RPTOR: variants seen among roughly 807,000 people sequenced by gnomAD.
RPTOR encodes the protein regulatory associated protein of MTOR complex 1.
A neutral mutation model predicts 169.9 loss-of-function variants in RPTOR; 21 were observed. The ratio of observed to expected loss-of-function variants is 0.12; its 90% CI spans 0.09 to 0.18. The LOEUF (loss-of-function observed/expected upper bound fraction) is 0.18, where lower values mean the gene tolerates loss of function less well. RPTOR is among the 10% of genes least tolerant of loss of function. The probability of loss-of-function intolerance (pLI) is 1.00; values close to 1 mark genes in which losing one functional copy is unlikely to be tolerated. For missense variants in RPTOR, 1,133 were observed against 1,855.9 expected (o/e 0.61, Z 7.16); for synonymous variants, 732 against 753.2 (o/e 0.97, Z 0.46).
chr17:80,771,907 C>A (rs976613812), intron 6 of RPTOR, among the ~76,000 whole-genome samples: 2 of 152,194 alleles, frequency 1.3e-5, no homozygotes, highest in Non-Finnish European at 2.9e-5. Context: ...GCAGCCTCGA[C>A]CTCCTAGGCT....
chr17:80,667,374 G>C (rs2065788825), intron 3 of RPTOR, among the ~76,000 whole-genome samples: 1 of 152,152 alleles, frequency 6.6e-6, no homozygotes, highest in Non-Finnish European at 1.5e-5. Flanking sequence ...GGAGCAGGCT[G>C]GACTCTGCAT....
rs2065764700 is a variant in RPTOR, at chr17:80,665,449, TTTCC to T, written c.348+21642_348+21645del. Among the ~76,000 whole-genome samples the T allele has an allele frequency of 2.1e-4, 5 of 23,650 alleles. 1 individual carries two copies. Among genetic ancestry groups the T allele is most frequent in the African/African-American group, 1.4e-3 (3 of 2,096 alleles). 15.5% of individuals were successfully genotyped at this position (23,650 alleles called of 152,430 possible). ...TTTCCTTTCCTTTCCTTTCCTTTCC[TTTCC>T]TTTCCTTTCCTTTCCTTTCCTTTCC... On this transcript the variant is annotated intron_variant, in intron 3 of 33. Coordinates refer to ENST00000306801, the MANE Select transcript of RPTOR (RefSeq NM_020761.3).
At chr17:80,665,830 A>G (rs1427872287) in intron 3 of RPTOR, among the ~76,000 whole-genome samples, 1 of 152,138 alleles carries the variant, frequency 6.6e-6, no homozygotes, top group South Asian at 2.1e-4. Flanking sequence ...GGCGTGAGCC[A>G]CCGCGCCCGG....
intron 1 of RPTOR, 52 bp downstream of exon 1, chr17:80,545,843 A>T (rs756878512): frequency 2.1e-6 from 3 of 1,459,056 alleles, no homozygotes; most frequent in African/African-American, 1.4e-5. Context: ...CCCAACAAAG[A>T]AAGTTTACAG....
chr17:80,767,475 T>C (rs192774010), intron 6 of RPTOR, among the ~76,000 whole-genome samples: 61 of 152,304 alleles, frequency 4.0e-4, no homozygotes, highest in African/African-American at 1.3e-3. Context: ...ATGGATAAAT[T>C]CTGTGAAAGA....
Position 80,823,804 on chromosome 17 carries a change from A to G in RPTOR, c.1136+581A>G, listed in dbSNP as rs2067409777. ...ATAATGTGATTTGTTTTTAGTCTAG[A>G]CATTATATTTGAAGACGTTTGGTTT... On this transcript the variant is annotated intron_variant, in intron 9 of 33. Coordinates refer to ENST00000306801, the MANE Select transcript of RPTOR (RefSeq NM_020761.3). The surrounding 1 kb of genome is among the most constrained non-coding windows in gnomAD (Gnocchi z 4.5). Among the ~76,000 whole-genome samples, 1 of 152,158 alleles carries G rather than the reference A, an allele frequency of 6.6e-6. No homozygotes were observed.
rs11658179 is a variant in RPTOR, at chr17:80,754,894, C to T, written c.830+709C>T. Among the ~76,000 whole-genome samples the T allele has an allele frequency of 0.38, 57,635 of 152,074 alleles. 11,542 individuals carry two copies. The highest frequency in any genetic ancestry group is 0.56 in the East Asian group (2,888 of 5,174). On this transcript the variant is annotated intron_variant, in intron 6 of 33. Transcript: ENST00000306801. The surrounding 1 kb of genome is among the most constrained non-coding windows in gnomAD (Gnocchi z 4.2). The stretch of plus-strand genomic sequence containing the variant: ...AATACCTCTCCCTTGAGGTGCCGTG[C>T]GAATGGTGCAGCTGTGCAGCAGACA...
intron 1 of RPTOR, among the ~76,000 whole-genome samples, chr17:80,599,918 C>T (rs2065172984): frequency 1.3e-5 from 2 of 152,150 alleles, no homozygotes; most frequent in Admixed American, 6.5e-5. Context: ...TTCAAAGTGC[C>T]ACCTGGCTTC....
At chr17:80,554,329 A>G (rs1367787252) in intron 1 of RPTOR, among the ~76,000 whole-genome samples, 1 of 152,162 alleles carries the variant, frequency 6.6e-6, no homozygotes, top group Non-Finnish European at 1.5e-5. Flanking sequence ...TCAAATAATA[A>G]TATTCTCAAT....
intron 6 of RPTOR, among the ~76,000 whole-genome samples, chr17:80,761,100 C>T (rs557633367): frequency 3.9e-5 from 6 of 152,284 alleles, no homozygotes; most frequent in Admixed American, 2.6e-4. Context: ...TCACCATATA[C>T]ATCAATACAC....
chr17:80,605,231 G>A (rs966496021), intron 1 of RPTOR, among the ~76,000 whole-genome samples: 1 of 152,220 alleles, frequency 6.6e-6, no homozygotes, highest in African/African-American at 2.4e-5. Context: ...AGGAAGAAAG[G>A]CTGTTTCGTT....
At chr17:80,723,428 GTTGT>G (rs2066303799) in intron 4 of RPTOR, among the ~76,000 whole-genome samples, 1 of 150,936 alleles carries the variant, frequency 6.6e-6, no homozygotes, top group Non-Finnish European at 1.5e-5. Flanking sequence ...TATTTACTTG[GTTGT>G]TTGTTTATAT....
intron 5 of RPTOR, among the ~76,000 whole-genome samples, chr17:80,736,461 T>C (rs1035616974): frequency 6.6e-6 from 1 of 152,280 alleles, no homozygotes. Flanking sequence ...TGTGAAAACC[T>C]ATACTTAAAC....
intron 13 of RPTOR, among the ~76,000 whole-genome samples, chr17:80,868,208 A>G (rs2068014493): frequency 6.6e-6 from 1 of 152,260 alleles, no homozygotes; most frequent in African/African-American, 2.4e-5. Flanking sequence ...TGGCAAGAGT[A>G]TAGAAAGAAC....
intron 12 of RPTOR, among the ~76,000 whole-genome samples, chr17:80,857,224 G>C (rs1372160196): frequency 6.6e-6 from 1 of 152,204 alleles, no homozygotes; most frequent in African/African-American, 2.4e-5. Context: ...GGCCAGAACT[G>C]GGCGCCAGTG....
chr17:80,934,607 G>C (rs969825928), intron 24 of RPTOR, among the ~76,000 whole-genome samples: 2 of 152,168 alleles, frequency 1.3e-5, no homozygotes, highest in Non-Finnish European at 2.9e-5. Context: ...AGCCACCTCA[G>C]CCTCTCAAAG....
chr17:80,893,291 T>C (rs755462907), intron 19 of RPTOR, among the ~76,000 whole-genome samples: 4 of 146,578 alleles, frequency 2.7e-5, no homozygotes, highest in East Asian at 2.0e-4. Context: ...AGGGTGTGTG[T>C]GCGCCGGGTG....
In RPTOR at chr17:80,722,031, G is replaced by A. The variant is rs767006819; in HGVS notation, c.508-8529G>A. On this transcript the variant is annotated intron_variant, in intron 4 of 33. Transcript: ENST00000306801. Reference sequence around the variant, plus strand: ...ATATGTAAGATGAGGCTTTTAACACGATTTTCTTTTAGTTAATTTTAAAAT... The same window carrying A: ...ATATGTAAGATGAGGCTTTTAACACAATTTTCTTTTAGTTAATTTTAAAAT... Among the ~76,000 whole-genome samples, 37 of 151,012 alleles carry A rather than the reference G, an allele frequency of 2.5e-4. 1 individual carries two copies. The highest frequency in any genetic ancestry group is 4.4e-4 in the Non-Finnish European group (30 of 67,982).
chr17:80,954,518 G>T (rs1487814526), intron 28 of RPTOR, among the ~76,000 whole-genome samples: 1 of 152,238 alleles, frequency 6.6e-6, no homozygotes. Context: ...CTCTGTCTCG[G>T]CCTCCCAAAG....
Sources: allele counts gnomAD v4.1 joint callset (sites outside exome capture counted in the v4.1 genomes callset), GRCh38; gene constraint gnomAD v4.1.1; non-coding constraint Gnocchi (gnomAD v3.1); transcripts MANE v1.5; gene names NCBI Gene and HGNC (gene_info 2026-07-23, HGNC 2026-07-21).